Variants in ROBO1 observed in about 807,000 individuals in gnomAD.
ROBO1 encodes the protein roundabout guidance receptor 1.
ROBO1 carries 149 observed loss-of-function variants against 195.9 expected under a neutral mutation model. That is an observed-to-expected ratio of 0.76 (90% CI 0.67 to 0.87). ROBO1 has a LOEUF of 0.87. ROBO1 is among the 40% of genes least tolerant of loss of function. The probability of loss-of-function intolerance (pLI) is 0.00; values close to 1 mark genes in which losing one functional copy is unlikely to be tolerated. For synonymous variants in ROBO1, 816 were observed against 733.2 expected (o/e 1.11, Z -1.82); for missense variants, 1,933 against 2,068.3 (o/e 0.93, Z 1.27).
Position 78,984,673 on chromosome 3 carries a change from G to A in ROBO1, c.173-45746C>T, listed in dbSNP as rs532065192. Among the ~76,000 whole-genome samples, 4 of 152,248 alleles carry A rather than the reference G, an allele frequency of 2.6e-5. No homozygotes were observed. The South Asian group carries it at 8.3e-4, about 32-fold the overall frequency. On this transcript the variant is annotated intron_variant, in intron 3 of 30. Coordinates refer to ENST00000464233, the MANE Select transcript of ROBO1 (RefSeq NM_002941.4). Reference sequence around the variant, plus strand: ...AAAGGTTTTCCTTGTTCTTAGTTAAGGATGTGGAAAAATGGGCCATTCGGA... The same window carrying A: ...AAAGGTTTTCCTTGTTCTTAGTTAAAGATGTGGAAAAATGGGCCATTCGGA...
chr3:78,654,788 A>T (rs1706890348), intron 18 of ROBO1, among the ~76,000 whole-genome samples: 1 of 152,218 alleles, frequency 6.6e-6, no homozygotes, highest in Admixed American at 6.5e-5. Flanking sequence ...TAAATAAATA[A>T]AATTATACAT....
At chr3:79,603,566 C>A (rs13072475) in intron 1 of ROBO1, among the ~76,000 whole-genome samples, 30,980 of 151,764 alleles carry the variant, frequency 0.2, 3,844 homozygotes, top group African/African-American at 0.35. Context: ...TTCAACCATC[C>A]CCATAACCCT....
At chr3:78,882,284 T>C (rs1242672499) in intron 4 of ROBO1, among the ~76,000 whole-genome samples, 1 of 152,162 alleles carries the variant, frequency 6.6e-6, no homozygotes, top group East Asian at 1.9e-4. Flanking sequence ...CGTCAAGAAA[T>C]TGATAGTGAA....
Position 78,670,266 on chromosome 3 carries a change from C to T in ROBO1, c.1378G>A (p.Gly460Ser), listed in dbSNP as rs1233461291. 2 of 1,580,104 alleles carry T rather than the reference C, an allele frequency of 1.3e-6. No homozygotes were observed. The highest frequency in any genetic ancestry group is 1.7e-6 in the Non-Finnish European group (2 of 1,162,022). ...ACGGCTACAGTCTGATTCACAGGAC[C>T]TTGTCGAATAACTGGGGGAGGCCGA... ...ADRPPPVIRQ[G>S]PVNQTVAVDG... Residue 460 changes from glycine to serine, a missense_variant, in exon 11 of 31, where the codon GGT becomes AGT. Transcript: ENST00000464233.
chr3:78,976,513 G>C (rs986632378), intron 3 of ROBO1, among the ~76,000 whole-genome samples: 6 of 152,136 alleles, frequency 3.9e-5, no homozygotes, highest in Non-Finnish European at 8.8e-5. Context: ...TTCGGACAGA[G>C]CTTCTGGCTT....
At chr3:79,493,858 G>A (rs1045290958) in intron 2 of ROBO1, among the ~76,000 whole-genome samples, 1 of 152,148 alleles carries the variant, frequency 6.6e-6, no homozygotes, top group East Asian at 1.9e-4. Context: ...ACATTCCAGT[G>A]ATACTGCCTC....
chr3:79,036,922 G>A (rs992211022), intron 3 of ROBO1, among the ~76,000 whole-genome samples: 9 of 152,242 alleles, frequency 5.9e-5, no homozygotes, highest in Admixed American at 3.9e-4. Context: ...GAGAAATGTT[G>A]CAGATTCTCG....
intron 2 of ROBO1, among the ~76,000 whole-genome samples, chr3:79,289,433 A>C (rs2032098267): frequency 6.6e-6 from 1 of 152,146 alleles, no homozygotes; most frequent in African/African-American, 2.4e-5. Context: ...TTGCTCTGAG[A>C]ATTTCATTAG....
At chr3:79,304,144 C>G (rs1009460706) in intron 2 of ROBO1, among the ~76,000 whole-genome samples, 1 of 151,998 alleles carries the variant, frequency 6.6e-6, no homozygotes, top group African/African-American at 2.4e-5. Context: ...TTAATAAAAA[C>G]AAAAGAAGCT....
intron 2 of ROBO1, among the ~76,000 whole-genome samples, chr3:79,174,525 G>A (rs540092570): frequency 1.3e-5 from 2 of 152,136 alleles, no homozygotes; most frequent in Non-Finnish European, 1.5e-5. Context: ...CACCAATTCC[G>A]GACACATTAC....
intron 10 of ROBO1, among the ~76,000 whole-genome samples, chr3:78,673,565 TATATATATA>T (rs1708205235): frequency 1.5e-4 from 3 of 20,132 alleles, no homozygotes; most frequent in Admixed American, 7.5e-4. Flanking sequence ...ATATATTTTA[TATATATATA>T]TATATATATA....
chr3:78,932,116 T>C (rs2039565127), intron 4 of ROBO1, among the ~76,000 whole-genome samples: 1 of 152,242 alleles, frequency 6.6e-6, no homozygotes, highest in African/African-American at 2.4e-5. Context: ...CAAGTTAGTC[T>C]ATGAATATGA....
At chr3:79,555,113 T>C (rs1163370643) in intron 2 of ROBO1, among the ~76,000 whole-genome samples, 5 of 152,080 alleles carry the variant, frequency 3.3e-5, no homozygotes, top group African/African-American at 1.2e-4. Flanking sequence ...TATGGTTTCA[T>C]GAGGAGTTTG....
At chr3:79,273,993 C>T (rs776348245) in intron 2 of ROBO1, among the ~76,000 whole-genome samples, 1 of 151,866 alleles carries the variant, frequency 6.6e-6, no homozygotes, top group South Asian at 2.1e-4. Flanking sequence ...GTACCCAACA[C>T]CAGGGCACCC....
chr3:79,150,529 A>G (rs1484785135), intron 2 of ROBO1, among the ~76,000 whole-genome samples: 1 of 151,796 alleles, frequency 6.6e-6, no homozygotes, highest in Non-Finnish European at 1.5e-5. Flanking sequence ...TTAATATTCA[A>G]TAAATAAGGA....
intron 1 of ROBO1, among the ~76,000 whole-genome samples, chr3:79,593,636 T>C (rs1576084211): frequency 6.6e-6 from 1 of 151,914 alleles, no homozygotes; most frequent in African/African-American, 2.4e-5. Context: ...TTTGAGATAG[T>C]GTCTTGCTCT....
At chr3:79,060,177 GA>G (rs1235278482) in intron 3 of ROBO1, among the ~76,000 whole-genome samples, 1 of 151,948 alleles carries the variant, frequency 6.6e-6, no homozygotes, top group East Asian at 1.9e-4. Flanking sequence ...CCAGCCTGGT[GA>G]AATTTTAGTC....
intron 3 of ROBO1, among the ~76,000 whole-genome samples, chr3:79,107,670 T>C (rs142976807): frequency 3.1e-4 from 47 of 151,818 alleles, no homozygotes; most frequent in African/African-American, 1.1e-3. Flanking sequence ...ATTACCTGTA[T>C]TGAGAGTGAT....
chr3:79,395,105 C>T (rs542431904), intron 2 of ROBO1, among the ~76,000 whole-genome samples: 12 of 151,828 alleles, frequency 7.9e-5, no homozygotes, highest in Non-Finnish European at 1.3e-4. Flanking sequence ...GGGCGGATCA[C>T]GAGGTCAGGA....
Sources: allele counts gnomAD v4.1 joint callset (sites outside exome capture counted in the v4.1 genomes callset), GRCh38; gene constraint gnomAD v4.1.1; transcripts MANE v1.5; gene names NCBI Gene and HGNC (gene_info 2026-07-23, HGNC 2026-07-21).